The following CCDC134 variants were observed in gnomAD, a reference collection of about 807,000 sequenced individuals.
CCDC134 encodes coiled-coil domain-containing protein 134.
Under a neutral mutation model 25.6 loss-of-function variants are expected in CCDC134, and 27 were observed. The ratio of observed to expected loss-of-function variants is 1.05; its 90% CI spans 0.78 to 1.45. The LOEUF (loss-of-function observed/expected upper bound fraction) is 1.45. Ranked by LOEUF, CCDC134 falls within the 40% of genes most tolerant of loss-of-function variation. CCDC134 has a pLI of 0.00. For synonymous variants in CCDC134, 110 were observed against 115.0 expected (o/e 0.96, Z 0.28); for missense variants, 261 against 286.7 (o/e 0.91, Z 0.65).
In CCDC134 at chr22:41,827,483, A is replaced by G. The variant is rs928050663; in HGVS notation, c.*1660A>G. Among the ~76,000 whole-genome samples, 1 of 152,184 alleles carries G rather than the reference A, an allele frequency of 6.6e-6. No individual in the cohort carries two copies. On this transcript the variant is annotated 3_prime_UTR_variant, in exon 7 of 7. Transcript: ENST00000255784. ...TTGGGCAAAATGCACAAAGCAAGGA[A>G]GGAATGAAGGGTTTTACTGAGAATG... is the stretch of plus-strand genomic sequence containing the variant.
At position 41,813,329 on chromosome 22, in the gene CCDC134, G is replaced by A. The variant is rs987024039; in HGVS notation, c.376G>A (p.Val126Met). 13 of 1,614,184 alleles carry A rather than the reference G, an allele frequency of 8.1e-6. No individual in the cohort carries two copies. The highest frequency in any genetic ancestry group is 1.0e-5 in the Non-Finnish European group (12 of 1,180,038). Residue 126 changes from valine (V) to methionine (M), a missense_variant, in exon 5 of 7, where the codon GTG becomes ATG. Physicochemically the swap from Val to Met is conservative, Grantham distance 21 (BLOSUM62 1). Transcript: ENST00000255784. ...TGTGGTGCTGCGCTTCCCGAGGATTGTGCACTATTACTTTGACCACAACTC... is the reference window on the plus strand; with the variant it reads ...TGTGGTGCTGCGCTTCCCGAGGATTATGCACTATTACTTTGACCACAACTC... Reference protein sequence around the residue: ...GDVVLRFPRIVHYYFDHNSNW... With the variant: ...GDVVLRFPRIMHYYFDHNSNW...
chr22:41,812,934 T>C (rs1182401950), intron 4 of CCDC134, among the ~76,000 whole-genome samples: 1 of 152,198 alleles, frequency 6.6e-6, no homozygotes, highest in Admixed American at 6.5e-5. Context: ...ATGTGTCTTC[T>C]AAGCAGCAAG....
intron 4 of CCDC134, 121 bp downstream of exon 4, chr22:41,810,412 A>C: frequency 1.2e-6 from 1 of 857,406 alleles, no homozygotes; most frequent in South Asian, 1.6e-5. Context: ...GGCACCTTCT[A>C]AGTGGTCCCC....
chr22:41,804,126 C>A (rs1393102855), intron 1 of CCDC134, among the ~76,000 whole-genome samples: 2 of 151,940 alleles, frequency 1.3e-5, no homozygotes, highest in African/African-American at 4.8e-5. Flanking sequence ...GAGCCAGACT[C>A]CTACTCAAAA....
rs1385020445 is a variant in CCDC134, at chr22:41,826,522, T to C, written c.*699T>C. On this transcript the variant is annotated 3_prime_UTR_variant, in exon 7 of 7. Coordinates refer to ENST00000255784, the MANE Select transcript of CCDC134 (RefSeq NM_024821.5). ...CCCTGGGACCTGGGAAACATTTAGC[T>C]CAAGAAGACCTTGGAGCAACATGAT... is the stretch of plus-strand genomic sequence containing the variant. Among the ~76,000 whole-genome samples the C allele has an allele frequency of 3.3e-5, 5 of 152,158 alleles. No homozygotes were observed. Among genetic ancestry groups the C allele is most frequent in the African/African-American group, 4.8e-5 (2 of 41,442 alleles).
At chr22:41,809,770 C>T (rs2076585166) in intron 2 of CCDC134, 109 bp from the exon 3 acceptor site, 5 of 1,432,390 alleles carry the variant, frequency 3.5e-6, no homozygotes, top group Non-Finnish European at 4.8e-6. Context: ...CCTGGGTGTC[C>T]ATGGCCCTTG....
At chr22:41,818,960 G>A (rs1295519682) in intron 6 of CCDC134, among the ~76,000 whole-genome samples, 1 of 152,186 alleles carries the variant, frequency 6.6e-6, no homozygotes, top group South Asian at 2.1e-4. Flanking sequence ...GACAGCATAG[G>A]CCACAGAGAG....
chr22:41,802,001 C>T (rs749309754), intron 1 of CCDC134, among the ~76,000 whole-genome samples: 6 of 152,178 alleles, frequency 3.9e-5, no homozygotes, highest in Non-Finnish European at 5.9e-5. Flanking sequence ...GTTGGACAGG[C>T]AGTTGCAGGG....
chr22:41,823,438 C>A (rs1255362567), intron 6 of CCDC134, among the ~76,000 whole-genome samples: 1 of 152,048 alleles, frequency 6.6e-6, no homozygotes, highest in Non-Finnish European at 1.5e-5. Context: ...GTTGACCAGG[C>A]TGGTCTTGAA....
intron 6 of CCDC134, among the ~76,000 whole-genome samples, chr22:41,819,963 T>TATATATATATATATA (rs57794600): frequency 1.5e-4 from 12 of 82,616 alleles, no homozygotes; most frequent in African/African-American, 5.5e-4. Flanking sequence ...ACTTACCACT[T>TATATATATATATATA]TATATATATA....
rs932021479 is a variant in CCDC134 at position 41,827,883 on chromosome 22, T to A, written c.*2060T>A. On this transcript the variant is annotated 3_prime_UTR_variant, in exon 7 of 7. Transcript: ENST00000255784. Reference sequence around the variant, plus strand: ...GCCGGAAGGACCAGGCCAGTCGCTGTCCTTTTCATGCTAGAGAGTGGTTGT... The same window carrying A: ...GCCGGAAGGACCAGGCCAGTCGCTGACCTTTTCATGCTAGAGAGTGGTTGT... Among the ~76,000 whole-genome samples the A allele has an allele frequency of 2.2e-4, 33 of 152,304 alleles. No individual in the cohort carries two copies. The highest frequency in any genetic ancestry group is 7.9e-4 in the African/African-American group (33 of 41,554).
chr22:41,828,208 T>TG lies in CCDC134; in HGVS notation c.*2388dup, dbSNP rs35176431. 6.6e-6 allele frequency among the ~76,000 whole-genome samples: 1 copy of TG among 152,122 alleles called. No homozygotes were observed. On this transcript the variant is annotated 3_prime_UTR_variant, in exon 7 of 7. Transcript: ENST00000255784. ...AGACCTGGGCAACTTGGGACCAGCC[T>TG]GGGCTGTCTCTTGCCAGCTGTTGTT...
Position 41,824,725 on chromosome 22 carries a change from A to T in CCDC134, c.565-973A>T, listed in dbSNP as rs551774355. On this transcript the variant is annotated intron_variant, in intron 6 of 6. Coordinates refer to ENST00000255784, the MANE Select transcript of CCDC134 (RefSeq NM_024821.5). ...CAGTGAGCCAAGATTTCACCACTGC[A>T]CTCCAGCCTGAGCGACAGAGCAAGA... is the stretch of plus-strand genomic sequence containing the variant. Among the ~76,000 whole-genome samples the T allele has an allele frequency of 8.5e-5, 13 of 152,230 alleles. No homozygotes were observed. In the South Asian group the frequency reaches 2.5e-3, roughly 29 times the overall value.
intron 6 of CCDC134, among the ~76,000 whole-genome samples, chr22:41,820,284 C>T (rs1297711748): frequency 1.3e-5 from 2 of 151,748 alleles, no homozygotes; most frequent in Non-Finnish European, 2.9e-5. Flanking sequence ...GTGTGAGCCA[C>T]CGCTCCCAGC....
rs2076606817 is a variant in CCDC134 at position 41,813,377 on chromosome 22, TG to T, written c.428del (p.Gly143ValfsTer22). 6.2e-7 allele frequency: 1 copy of T among 1,614,164 alleles called. No homozygotes were observed. The highest frequency in any genetic ancestry group is 2.2e-5 in the East Asian group (1 of 44,888). On this transcript the variant is annotated frameshift_variant, in exon 5 of 7. Coordinates refer to ENST00000255784, the MANE Select transcript of CCDC134 (RefSeq NM_024821.5). LOFTEE classifies it high-confidence loss of function. ...HNSNWNLLIR[W>X]GISFCNQTGV... Reference sequence around the variant, plus strand: ...CTCCAACTGGAACCTCCTCATCCGCTGGGGTATCAGTTTCTGCAACCAGACA... The same window carrying T: ...CTCCAACTGGAACCTCCTCATCCGCTGGGTATCAGTTTCTGCAACCAGACA...
At chr22:41,808,207 G>A (rs2076577697) in intron 1 of CCDC134, among the ~76,000 whole-genome samples, 1 of 151,846 alleles carries the variant, frequency 6.6e-6, no homozygotes, top group South Asian at 2.1e-4. Flanking sequence ...GTTGCATGTT[G>A]CCTGAATATG....
At chr22:41,812,422 CAAAAAAAAAAA>C (rs36098937) in intron 4 of CCDC134, among the ~76,000 whole-genome samples, 14 of 77,196 alleles carry the variant, frequency 1.8e-4, no homozygotes, top group African/African-American at 6.6e-4. Context: ...ACTCCGTCTC[CAAAAAAAAAAA>C]AAAAAAAAAA....
rs2076703595 is a variant in CCDC134, at chr22:41,830,897, T to TC, written c.*5074_*5075insC. 1.4e-5 allele frequency among the ~76,000 whole-genome samples: 2 copies of TC among 146,064 alleles called. No homozygotes were observed. Among genetic ancestry groups the TC allele is most frequent in the Non-Finnish European group, 3.0e-5 (2 of 66,596 alleles). On this transcript the variant is annotated 3_prime_UTR_variant, in exon 7 of 7. Transcript: ENST00000255784. ...TTCTTTTCTTTTCTTTTTTTTTTTT[T>TC]TTTTTTTTTGAGACGCAGTCTCCTG...
chr22:41,826,199 G>A lies in CCDC134; in HGVS notation c.*376G>A, dbSNP rs527882995. 2.4e-4 allele frequency: 47 copies of A among 193,986 alleles called. 1 individual carries two copies. The South Asian group carries it at 4.5e-3, about 18-fold the overall frequency. 12.0% of individuals were successfully genotyped at this position (193,986 alleles called of 1,614,324 possible). On this transcript the variant is annotated 3_prime_UTR_variant, in exon 7 of 7. Transcript: ENST00000255784. Reference sequence around the variant, plus strand: ...TAGGTTCTGAGCCACGGGTCAGGGTGCCACCCTGCTGCTGGCCCCACTGTG... The same window carrying A: ...TAGGTTCTGAGCCACGGGTCAGGGTACCACCCTGCTGCTGGCCCCACTGTG...
Sources: allele counts gnomAD v4.1 joint callset (sites outside exome capture counted in the v4.1 genomes callset), GRCh38; gene constraint gnomAD v4.1.1; transcripts MANE v1.5; gene names NCBI Gene and HGNC (gene_info 2026-07-23, HGNC 2026-07-21).